The following CYRIB variants were observed in gnomAD, a reference collection of about 807,000 sequenced individuals.
The protein encoded by CYRIB is CYFIP-related Rac1 interactor B.
Under a neutral mutation model 44.2 loss-of-function variants are expected in CYRIB, and 8 were observed. The observed-to-expected ratio is 0.18, with a 90% CI of 0.11 to 0.33. The LOEUF (loss-of-function observed/expected upper bound fraction) is 0.33. Ranked by LOEUF, CYRIB falls within the 10% of genes least tolerant of loss-of-function variation. The pLI is 1.00. For synonymous variants in CYRIB, 131 were observed against 127.2 expected (o/e 1.03, Z -0.20); for missense variants, 185 against 382.8 (o/e 0.48, Z 4.31).
chr8:129,967,669 G>A (rs1312770577), intron 2 of CYRIB, among the ~76,000 whole-genome samples: 6 of 152,172 alleles, frequency 3.9e-5, no homozygotes, highest in East Asian at 3.9e-4. Flanking sequence ...GTGAGCCACC[G>A]TGCCCGGCTT....
At chr8:129,933,293 T>C (rs887118929) in intron 1 of CYRIB, among the ~76,000 whole-genome samples, 6 of 152,090 alleles carry the variant, frequency 3.9e-5, no homozygotes, top group African/African-American at 9.7e-5. Context: ...ATGAGCAAGA[T>C]GGTTAGGAAT....
At chr8:129,983,264 T>C (rs2096312657) in intron 1 of CYRIB, among the ~76,000 whole-genome samples, 1 of 151,918 alleles carries the variant, frequency 6.6e-6, no homozygotes, top group African/African-American at 2.4e-5. Context: ...GCTAACACGG[T>C]GAAACCCCGT....
intron 1 of CYRIB, among the ~76,000 whole-genome samples, chr8:130,012,784 C>T (rs1456824391): frequency 6.6e-6 from 1 of 152,170 alleles, no homozygotes; most frequent in Non-Finnish European, 1.5e-5. Context: ...AAAAATATTG[C>T]TCTCAACCTC....
chr8:129,879,818 A>G, intron 2 of CYRIB: 2 of 209,132 alleles, frequency 9.6e-6, no homozygotes, highest in Non-Finnish European at 1.9e-5. Flanking sequence ...ATCAAGAATT[A>G]TTTACATGTA....
intron 1 of CYRIB, among the ~76,000 whole-genome samples, chr8:129,984,773 T>G (rs2096387823): frequency 6.6e-6 from 1 of 152,082 alleles, no homozygotes; most frequent in Admixed American, 6.5e-5. Flanking sequence ...GGGTTTTTTT[T>G]GTTTTTGTTT....
chr8:129,991,292 G>A (rs2133336126), intron 1 of CYRIB, among the ~76,000 whole-genome samples: 1 of 149,768 alleles, frequency 6.7e-6, no homozygotes, highest in East Asian at 2.0e-4. Context: ...TGGCTGAATA[G>A]AATGGACATT....
intron 2 of CYRIB, among the ~76,000 whole-genome samples, chr8:129,946,715 G>A (rs574713491): frequency 2.0e-5 from 3 of 152,256 alleles, no homozygotes; most frequent in African/African-American, 7.2e-5. Flanking sequence ...GAGTTATAAG[G>A]TTTATCTATG....
chr8:129,887,429 A>T (rs1267943426), intron 2 of CYRIB, among the ~76,000 whole-genome samples: 1 of 152,250 alleles, frequency 6.6e-6, no homozygotes, highest in African/African-American at 2.4e-5. Flanking sequence ...CTGCAGGGGC[A>T]GAGCCCTCAT....
intron 4 of CYRIB, among the ~76,000 whole-genome samples, chr8:129,869,898 A>C (rs1376789131): frequency 3.3e-5 from 5 of 150,804 alleles, no homozygotes; most frequent in African/African-American, 1.2e-4. Context: ...CCCCCCGCCC[A>C]AAAAAAGGAA....
intron 2 of CYRIB, among the ~76,000 whole-genome samples, chr8:129,900,230 T>A (rs2070823431): frequency 6.6e-6 from 1 of 152,138 alleles, no homozygotes; most frequent in African/African-American, 2.4e-5. Context: ...ATCCACTGAC[T>A]CTGGCAGTGC....
chr8:129,958,750 T>C (rs1412362867), intron 2 of CYRIB, among the ~76,000 whole-genome samples: 1 of 145,540 alleles, frequency 6.9e-6, no homozygotes, highest in African/African-American at 2.5e-5. Flanking sequence ...TTTCCTCCCA[T>C]CTACCACTGG....
At chr8:129,959,647 T>C (rs954799108) in intron 2 of CYRIB, among the ~76,000 whole-genome samples, 4 of 152,044 alleles carry the variant, frequency 2.6e-5, no homozygotes, top group Admixed American at 6.6e-5. Context: ...AAGGTGAGTG[T>C]CTAATAAGAG....
chr8:129,882,658 A>G (rs539475223), intron 2 of CYRIB, among the ~76,000 whole-genome samples: 28 of 152,304 alleles, frequency 1.8e-4, no homozygotes, highest in African/African-American at 6.5e-4. Flanking sequence ...GTATGCACAC[A>G]GTCCAACCTT....
At chr8:129,960,661 A>T in intron 2 of CYRIB, among the ~76,000 whole-genome samples, 1 of 147,254 alleles carries the variant, frequency 6.8e-6, no homozygotes, top group South Asian at 2.2e-4. Flanking sequence ...AAAAAAAAAA[A>T]AAAAAAAAGG....
intron 4 of CYRIB, among the ~76,000 whole-genome samples, chr8:129,870,600 C>T (rs890311483): frequency 6.6e-5 from 10 of 152,042 alleles, no homozygotes; most frequent in African/African-American, 2.4e-5. Flanking sequence ...GGAATGTATG[C>T]CCCAAAGAGT....
chr8:129,885,654 G>A (rs2624813), intron 2 of CYRIB, among the ~76,000 whole-genome samples: 27,856 of 151,290 alleles, frequency 0.18, 2,720 homozygotes, highest in Non-Finnish European at 0.21. Flanking sequence ...AACCAATAAC[G>A]CCTCCAGACA....
At chr8:129,904,192 A>C (rs1183241744) in intron 1 of CYRIB, among the ~76,000 whole-genome samples, 1 of 152,200 alleles carries the variant, frequency 6.6e-6, no homozygotes, top group Non-Finnish European at 1.5e-5. Flanking sequence ...CTATCAGGAA[A>C]AAGCCTCATG....
intron 1 of CYRIB, among the ~76,000 whole-genome samples, chr8:129,993,400 C>CA (rs771138317): frequency 2.1e-5 from 3 of 146,050 alleles, no homozygotes; most frequent in African/African-American, 5.1e-5. Context: ...CTGAAAAAAA[C>CA]AAAAAAAGAA....
At chr8:129,989,946 C>T (rs948350815) in intron 1 of CYRIB, among the ~76,000 whole-genome samples, 1 of 152,032 alleles carries the variant, frequency 6.6e-6, no homozygotes, top group Non-Finnish European at 1.5e-5. Flanking sequence ...TTTCCAGCTT[C>T]ATCCATGTCC....
Sources: gnomAD v4.1 joint callset for allele counts (sites outside exome capture counted in the v4.1 genomes callset) on GRCh38, gnomAD v4.1.1 for gene constraint, MANE v1.5 for transcripts, NCBI Gene and HGNC (gene_info 2026-07-23, HGNC 2026-07-21) for gene names.